The following TMEM108 variants were observed in gnomAD, a reference collection of about 807,000 sequenced individuals.
The protein encoded by TMEM108 is transmembrane protein 108, also known as cancer/testis antigen 124.
Under a neutral mutation model 35.1 loss-of-function variants are expected in TMEM108, and 12 were observed. The ratio of observed to expected loss-of-function variants is 0.34; its 90% CI spans 0.22 to 0.55. TMEM108 has a LOEUF of 0.55. TMEM108 is among the 20% of genes least tolerant of loss of function. The probability of loss-of-function intolerance (pLI) is 0.89; values close to 1 mark genes in which losing one functional copy is unlikely to be tolerated. For synonymous variants in TMEM108, 287 were observed against 308.6 expected, an observed-to-expected ratio of 0.93 and a Z score of 0.73; for missense variants, 680 against 753.3, an observed-to-expected ratio of 0.90 and a Z score of 1.14.
chr3:133,166,405 G>T (rs1309390497), intron 2 of TMEM108, among the ~76,000 whole-genome samples: 1 of 152,186 alleles, frequency 6.6e-6, no homozygotes, highest in East Asian at 1.9e-4. Flanking sequence ...GTCCAAAATT[G>T]GTGGGTTCTT....
intron 2 of TMEM108, among the ~76,000 whole-genome samples, chr3:133,173,611 T>C (rs972197993): frequency 1.3e-5 from 2 of 152,258 alleles, no homozygotes; most frequent in Non-Finnish European, 2.9e-5. Context: ...TGTGGTCTAC[T>C]TGGGTTTTAA....
intron 3 of TMEM108, among the ~76,000 whole-genome samples, chr3:133,256,531 G>C (rs1050247652): frequency 6.6e-6 from 1 of 152,160 alleles, no homozygotes; most frequent in Non-Finnish European, 1.5e-5. Context: ...AGTTAAGTTG[G>C]GAGGGGATGA....
At chr3:133,103,017 A>T (rs1395638693) in intron 2 of TMEM108, among the ~76,000 whole-genome samples, 2 of 152,216 alleles carry the variant, frequency 1.3e-5, no homozygotes, top group African/African-American at 4.8e-5. Flanking sequence ...CGATTGTGGA[A>T]GACAGTGTGG....
intron 2 of TMEM108, among the ~76,000 whole-genome samples, chr3:133,103,533 G>A (rs1444121021): frequency 2.6e-5 from 4 of 152,014 alleles, no homozygotes; most frequent in Non-Finnish European, 5.9e-5. Context: ...AACCCCCCAT[G>A]ATACAAGTTT....
chr3:133,116,829 G>T (rs189803032), intron 2 of TMEM108, among the ~76,000 whole-genome samples: 2 of 152,160 alleles, frequency 1.3e-5, no homozygotes, highest in African/African-American at 4.8e-5. Context: ...AGGCTGGAGC[G>T]CAATGGCGTG....
At chr3:133,295,461 C>T (rs1411373217) in intron 3 of TMEM108, among the ~76,000 whole-genome samples, 1 of 152,190 alleles carries the variant, frequency 6.6e-6, no homozygotes, top group Admixed American at 6.5e-5. Flanking sequence ...GCCTACCTGG[C>T]AAGTAGTCAG....
chr3:133,096,220 A>G (rs559647363), intron 2 of TMEM108, among the ~76,000 whole-genome samples: 1 of 152,274 alleles, frequency 6.6e-6, no homozygotes, highest in African/African-American at 2.4e-5. Context: ...GTGCAGTGGC[A>G]CAATCATGGC....
chr3:133,382,741 G>C (rs554682697), intron 4 of TMEM108, among the ~76,000 whole-genome samples: 18 of 152,372 alleles, frequency 1.2e-4, no homozygotes, highest in African/African-American at 4.3e-4. Context: ...GCTCTGGGTT[G>C]TTAGTGCAGG....
chr3:133,226,234 G>C (rs961399671), intron 2 of TMEM108, among the ~76,000 whole-genome samples: 1 of 152,178 alleles, frequency 6.6e-6, no homozygotes, highest in Non-Finnish European at 1.5e-5. Context: ...TGCCCTTAGA[G>C]GTAATAGATT....
At position 133,145,583 on chromosome 3, in the gene TMEM108, C is replaced by T. The variant is rs150502833; in HGVS notation, c.-46-83683C>T. ...CGTGGCCATTTTCACGATATTGATT[C>T]TTCCTAACCATGAGCATAGAATGTT... On this transcript the variant is annotated intron_variant, in intron 2 of 5. Transcript: ENST00000321871. 3.5e-3 allele frequency among the ~76,000 whole-genome samples: 531 copies of T among 152,238 alleles called. 2 individuals carry two copies. The highest frequency in any genetic ancestry group is 0.012 in the African/African-American group (503 of 41,542).
At chr3:133,039,279 T>A (rs577655885) in intron 1 of TMEM108, among the ~76,000 whole-genome samples, 3 of 152,070 alleles carry the variant, frequency 2.0e-5, no homozygotes, top group Non-Finnish European at 4.4e-5. Context: ...GGAGGAAAGG[T>A]TGTAGTTTCT....
chr3:133,106,660 A>T (rs1473322003), intron 2 of TMEM108, among the ~76,000 whole-genome samples: 3 of 152,232 alleles, frequency 2.0e-5, no homozygotes, highest in Admixed American at 2.0e-4. Context: ...AGCTTGCTTT[A>T]TTGGATCTGT....
intron 2 of TMEM108, among the ~76,000 whole-genome samples, chr3:133,068,844 G>C (rs763673061): frequency 6.6e-6 from 1 of 152,126 alleles, no homozygotes; most frequent in African/African-American, 2.4e-5. Context: ...GTACAAAGAA[G>C]ACTTGTTACA....
At chr3:133,266,970 C>T (rs910654715) in intron 3 of TMEM108, among the ~76,000 whole-genome samples, 7 of 148,394 alleles carry the variant, frequency 4.7e-5, no homozygotes, top group Admixed American at 4.0e-4. Context: ...GACCCAGCTA[C>T]TCGGGAGGCT....
intron 4 of TMEM108, chr3:133,388,507 G>A: frequency 1.0e-6 from 1 of 985,350 alleles, no homozygotes. Flanking sequence ...AGAGGAAAGA[G>A]ATCCACAATA....
chr3:133,133,679 TC>T (rs1363212030), intron 2 of TMEM108, among the ~76,000 whole-genome samples: 2 of 151,464 alleles, frequency 1.3e-5, no homozygotes, highest in Non-Finnish European at 3.0e-5. Flanking sequence ...TCTTTTTTTT[TC>T]CTTTTTTTTT....
intron 3 of TMEM108, among the ~76,000 whole-genome samples, chr3:133,232,623 T>G (rs1041982875): frequency 6.6e-6 from 1 of 152,222 alleles, no homozygotes; most frequent in Non-Finnish European, 1.5e-5. Flanking sequence ...TGAATCATAA[T>G]CAATAGTCAC....
chr3:133,206,791 T>C (rs144292584), intron 2 of TMEM108, among the ~76,000 whole-genome samples: 238 of 152,266 alleles, frequency 1.6e-3, no homozygotes, highest in African/African-American at 5.3e-3. Context: ...AGGGACCCAT[T>C]TGAGGAGGCA....
At chr3:133,139,483 A>G (rs1378266031) in intron 2 of TMEM108, among the ~76,000 whole-genome samples, 3 of 152,214 alleles carry the variant, frequency 2.0e-5, no homozygotes, top group Non-Finnish European at 4.4e-5. Context: ...CCCATAGTGT[A>G]TGATTTGTAA....
Sources: allele counts gnomAD v4.1 joint callset (sites outside exome capture counted in the v4.1 genomes callset), GRCh38; gene constraint gnomAD v4.1.1; transcripts MANE v1.5; gene names NCBI Gene and HGNC (gene_info 2026-07-23, HGNC 2026-07-21).